The following RRBP1 variants were observed in gnomAD, a reference collection of about 807,000 sequenced individuals.
RRBP1 encodes ribosome-binding protein 1.
A neutral mutation model predicts 165.2 loss-of-function variants in RRBP1; 94 were observed. That is an observed-to-expected ratio of 0.57 (90% CI 0.48 to 0.68). The LOEUF (loss-of-function observed/expected upper bound fraction) is 0.68, where lower values mean the gene tolerates loss of function less well. Among genes scored for constraint, RRBP1 ranks in the 30% least tolerant of loss-of-function variants. The probability of loss-of-function intolerance (pLI) is 0.00; values close to 1 mark genes in which losing one functional copy is unlikely to be tolerated. For missense variants in RRBP1, 1,676 were observed against 1,763.0 expected, an observed-to-expected ratio of 0.95 and a Z score of 0.88; for synonymous variants, 680 against 714.5, an observed-to-expected ratio of 0.95 and a Z score of 0.77.
At chr20:17,677,120 C>G (rs1355008641) in intron 2 of RRBP1, among the ~76,000 whole-genome samples, 1 of 151,160 alleles carries the variant, frequency 6.6e-6, no homozygotes, top group Non-Finnish European at 1.5e-5. Flanking sequence ...TGCTTAATAA[C>G]ATGAGGTCAG....
chr20:17,663,181 G>T (rs555324083), intron 2 of RRBP1, among the ~76,000 whole-genome samples: 10 of 152,162 alleles, frequency 6.6e-5, no homozygotes, highest in Non-Finnish European at 1.3e-4. Flanking sequence ...GTTGCAGACC[G>T]TGACACAGTG....
At chr20:17,640,989 C>T (rs1160289513) in intron 5 of RRBP1, among the ~76,000 whole-genome samples, 1 of 152,212 alleles carries the variant, frequency 6.6e-6, no homozygotes, top group Non-Finnish European at 1.5e-5. Flanking sequence ...AGGGAGAGGG[C>T]AAGAGCAAGC....
At chr20:17,628,317 C>T (rs990007550) in intron 9 of RRBP1, among the ~76,000 whole-genome samples, 3 of 152,198 alleles carry the variant, frequency 2.0e-5, no homozygotes, top group Non-Finnish European at 4.4e-5. Flanking sequence ...AACATCCCGA[C>T]CTCCCAGGAC....
At chr20:17,656,259 G>C (rs1344440760) in intron 3 of RRBP1, among the ~76,000 whole-genome samples, 3 of 152,198 alleles carry the variant, frequency 2.0e-5, no homozygotes, top group African/African-American at 7.2e-5. Context: ...GCGGCATGTT[G>C]GTGGCACGTG....
At chr20:17,669,423 A>G (rs1476861104) in intron 2 of RRBP1, among the ~76,000 whole-genome samples, 1 of 152,232 alleles carries the variant, frequency 6.6e-6, no homozygotes, top group Non-Finnish European at 1.5e-5. Context: ...GGACATGAAC[A>G]GTTAAGATGT....
Position 17,658,596 on chromosome 20 carries a change from C to T in RRBP1, c.1912G>A (p.Gly638Arg). The T allele has an allele frequency of 7.6e-6, 12 of 1,581,808 alleles. No individual in the cohort carries two copies. The highest frequency in any genetic ancestry group is 1.0e-5 in the Non-Finnish European group (12 of 1,166,800). ...KSGSKKKGEP[G>R]PPDADGPLYL... The stretch of plus-strand genomic sequence containing the variant: ...GTTCATAAAGAAATCAGTTACTTAC[C>T]AGGCTCACCTTTTTTCTTTGAACCA... The change falls in exon 3 of 25, where the codon GGG becomes AGG. Residue 638 changes from glycine to arginine, a missense_variant and splice_region_variant. Physicochemically the swap from Gly to Arg is moderately radical, Grantham distance 125. Transcript: ENST00000377813.
At chr20:17,638,531 C>T (rs187742041) in intron 5 of RRBP1, among the ~76,000 whole-genome samples, 2 of 152,286 alleles carry the variant, frequency 1.3e-5, no homozygotes, top group Admixed American at 1.3e-4. Flanking sequence ...TGGGATCTTC[C>T]CCCTCTTTTG....
At chr20:17,663,065 A>AGGGGT (rs2036796374) in intron 2 of RRBP1, among the ~76,000 whole-genome samples, 2 of 152,166 alleles carry the variant, frequency 1.3e-5, no homozygotes, top group Non-Finnish European at 2.9e-5. Context: ...AGAGAAACGA[A>AGGGGT]CATTAGGGGC....
chr20:17,622,991 C>G (rs1275765826), intron 13 of RRBP1: 1 of 152,350 alleles, frequency 6.6e-6, no homozygotes, highest in East Asian at 1.9e-4. Flanking sequence ...CCTGGCTGGC[C>G]AAGTTATCCA....
chr20:17,631,209 C>T (rs1371600624), intron 8 of RRBP1, among the ~76,000 whole-genome samples: 3 of 152,250 alleles, frequency 2.0e-5, no homozygotes. Context: ...GGGCAGGAGC[C>T]TGCCTTGCAC....
At chr20:17,617,585 T>C (rs4814629) in intron 20 of RRBP1, among the ~76,000 whole-genome samples, 152,292 of 152,344 alleles carry the variant, frequency 1, 76,120 homozygotes, top group Middle Eastern at 1. Context: ...TCTCTGCACA[T>C]CCCCGGCCTG....
intron 9 of RRBP1, among the ~76,000 whole-genome samples, chr20:17,628,576 T>C (rs1284450918): frequency 6.6e-6 from 1 of 152,120 alleles, no homozygotes; most frequent in African/African-American, 2.4e-5. Context: ...AGCACTTCTG[T>C]CACACCTTCC....
At chr20:17,614,701 G>A (rs201256761) in intron 24 of RRBP1, 36 bp downstream of exon 24, 26 of 1,604,948 alleles carry the variant, frequency 1.6e-5, no homozygotes, top group Non-Finnish European at 1.7e-5. Context: ...CCGGCAGCTC[G>A]ACTCCTCCCG....
chr20:17,651,419 T>G lies in RRBP1; in HGVS notation c.1912+7177A>C, dbSNP rs1309189256. The stretch of plus-strand genomic sequence containing the variant: ...TTTTGTAGAGACACACAACAGTGTA[T>G]GTACATCATTGCAGCATTAATTTTA... On this transcript the variant is annotated intron_variant, in intron 3 of 24. Coordinates refer to ENST00000377813, the MANE Select transcript of RRBP1 (RefSeq NM_001365613.2). Among the ~76,000 whole-genome samples the G allele has an allele frequency of 4.1e-4, 63 of 152,270 alleles. 1 individual carries two copies. Among genetic ancestry groups the G allele is most frequent in the Non-Finnish European group, 2.9e-5 (2 of 68,050 alleles).
chr20:17,659,974 C>T lies in RRBP1; in HGVS notation c.534G>A (p.Pro178=), dbSNP rs780347935. 7.5e-6 allele frequency: 12 copies of T among 1,606,550 alleles called. No individual in the cohort carries two copies. The highest frequency in any genetic ancestry group is 3.3e-5 in the South Asian group (3 of 89,720). Residue 178 remains proline, a synonymous_variant, in exon 3 of 25, where the codon CCG becomes CCA. Coordinates refer to ENST00000377813, the MANE Select transcript of RRBP1 (RefSeq NM_001365613.2). ...CACCCACTGGGGGCACCACCACCAT[C>T]GGCACCTCCTTGGGAGCAGTTTCCA... ...AILETAPKEV[P]MVVVPPVGAK...
intron 3 of RRBP1, among the ~76,000 whole-genome samples, chr20:17,645,130 G>T (rs1433660482): frequency 6.6e-6 from 1 of 152,158 alleles, no homozygotes; most frequent in African/African-American, 2.4e-5. Flanking sequence ...TCTCCTTAAA[G>T]ACCACCCTTC....
At chr20:17,616,429 G>A (rs79910881) in intron 21 of RRBP1, among the ~76,000 whole-genome samples, 8,452 of 152,196 alleles carry the variant, frequency 0.056, 424 homozygotes, top group African/African-American at 0.13. Context: ...AGTCCCCTTC[G>A]ATGGCTGCAG....
At chr20:17,615,404 G>A in intron 23 of RRBP1, 27 bp downstream of exon 23, 4 of 1,574,652 alleles carry the variant, frequency 2.5e-6, no homozygotes, top group Non-Finnish European at 2.6e-6. Context: ...CCCTCCAGGT[G>A]TGACCCCCGC....
rs746264563 is a variant in RRBP1 at position 17,627,590 on chromosome 20, C to T, written c.2842G>A (p.Ala948Thr). 6 of 1,613,580 alleles carry T rather than the reference C, an allele frequency of 3.7e-6. No homozygotes were observed. Among genetic ancestry groups the T allele is most frequent in the South Asian group, 1.1e-5 (1 of 91,064 alleles). Residue 948 changes from alanine to threonine, a missense_variant, in exon 10 of 25, where the codon GCG becomes ACG. This residue lies in a region of RRBP1 where 1,184 missense variants were observed against 1,167.1 expected (regional missense o/e 1.01). Transcript: ENST00000377813. ...GLHGQLQEAR[A>T]ENSQLTERIR... ...CTCTCTGTGAGCTGGGAGTTCTCCGCCCTGGCCTCCTGGAGCTGCCCGTGG... is the reference window on the plus strand; with the variant it reads ...CTCTCTGTGAGCTGGGAGTTCTCCGTCCTGGCCTCCTGGAGCTGCCCGTGG...
Sources: allele counts gnomAD v4.1 joint callset (sites outside exome capture counted in the v4.1 genomes callset), GRCh38; gene constraint gnomAD v4.1.1; regional missense constraint gnomAD v4.1.1; transcripts MANE v1.5; gene names NCBI Gene and HGNC (gene_info 2026-07-23, HGNC 2026-07-21).